Variants in DISC1 observed in about 807,000 individuals in gnomAD.
DISC1 encodes DISC1 scaffold protein, also known as disrupted in schizophrenia 1 protein.
A neutral mutation model predicts 84.5 loss-of-function variants in DISC1; 57 were observed. The observed-to-expected ratio is 0.67, with a 90% CI of 0.55 to 0.84. The LOEUF (loss-of-function observed/expected upper bound fraction) is 0.84. Among genes scored for constraint, DISC1 ranks in the 40% least tolerant of loss-of-function variants. The pLI is 0.00. For synonymous variants in DISC1, 411 were observed against 415.2 expected, an observed-to-expected ratio of 0.99 and a Z score of 0.12; for missense variants, 1,000 against 1,057.8, an observed-to-expected ratio of 0.95 and a Z score of 0.76.
chr1:231,985,649 C>T (rs1664320473), intron 10 of DISC1, among the ~76,000 whole-genome samples: 1 of 152,146 alleles, frequency 6.6e-6, no homozygotes, highest in Non-Finnish European at 1.5e-5. Context: ...GGGAGATGTT[C>T]AGTTTTGCAC....
chr1:231,699,749 T>G (rs989409029), intron 2 of DISC1, among the ~76,000 whole-genome samples: 2 of 152,160 alleles, frequency 1.3e-5, no homozygotes, highest in African/African-American at 4.8e-5. Flanking sequence ...CCCCAAACTC[T>G]CCAGTGGCGC....
chr1:231,996,069 A>G (rs1407430332), intron 10 of DISC1, among the ~76,000 whole-genome samples: 2 of 152,082 alleles, frequency 1.3e-5, no homozygotes, highest in South Asian at 2.1e-4. Context: ...CGTGGTTTTG[A>G]TTTGCATTTC....
chr1:231,823,379 A>T (rs2081636045), intron 9 of DISC1, among the ~76,000 whole-genome samples: 1 of 152,252 alleles, frequency 6.6e-6, no homozygotes, highest in South Asian at 2.1e-4. Context: ...ATTTAAAAAC[A>T]AAGACAGAAG....
At chr1:231,940,722 G>A (rs1159065865) in intron 9 of DISC1, among the ~76,000 whole-genome samples, 1 of 152,202 alleles carries the variant, frequency 6.6e-6, no homozygotes, top group East Asian at 1.9e-4. Flanking sequence ...GAGATGCTGC[G>A]TGTTATTGCA....
intron 9 of DISC1, among the ~76,000 whole-genome samples, chr1:231,827,658 A>T (rs1346499371): frequency 6.6e-6 from 1 of 152,194 alleles, no homozygotes; most frequent in Non-Finnish European, 1.5e-5. Flanking sequence ...CATGCTGATG[A>T]ATGTTTTCCT....
intron 9 of DISC1, among the ~76,000 whole-genome samples, chr1:231,854,207 G>T (rs935370228): frequency 1.7e-4 from 26 of 152,240 alleles, no homozygotes; most frequent in African/African-American, 6.0e-4. Context: ...AAGCGATTGT[G>T]GGTAAGTCAT....
chr1:231,877,869 T>C (rs952691226), intron 9 of DISC1, among the ~76,000 whole-genome samples: 1 of 152,158 alleles, frequency 6.6e-6, no homozygotes, highest in African/African-American at 2.4e-5. Flanking sequence ...AAATAAAAAA[T>C]GACTTAATAG....
At chr1:231,974,729 T>A (rs1161720058) in intron 10 of DISC1, among the ~76,000 whole-genome samples, 1 of 152,246 alleles carries the variant, frequency 6.6e-6, no homozygotes, top group Non-Finnish European at 1.5e-5. Context: ...TAGCTTAGTA[T>A]TATAATAAAA....
intron 9 of DISC1, among the ~76,000 whole-genome samples, chr1:231,949,774 G>C (rs1657987563): frequency 6.6e-6 from 1 of 152,128 alleles, no homozygotes; most frequent in African/African-American, 2.4e-5. Context: ...AGTTGCATAT[G>C]AAAAGCCTCT....
intron 9 of DISC1, among the ~76,000 whole-genome samples, chr1:231,832,629 T>C (rs1449919586): frequency 1.3e-5 from 2 of 150,322 alleles, no homozygotes; most frequent in East Asian, 2.0e-4. Context: ...AGGGTCAGTC[T>C]AAGTGAAAGC....
intron 10 of DISC1, among the ~76,000 whole-genome samples, chr1:231,969,958 CAT>C (rs1365716658): frequency 6.6e-6 from 1 of 152,126 alleles, no homozygotes; most frequent in Non-Finnish European, 1.5e-5. Flanking sequence ...CATAGTATTC[CAT>C]AGTGTATATG....
At chr1:231,873,448 C>A (rs527970723) in intron 9 of DISC1, among the ~76,000 whole-genome samples, 28 of 152,304 alleles carry the variant, frequency 1.8e-4, no homozygotes, top group African/African-American at 5.3e-4. Context: ...TCCTGTGTCC[C>A]TCCCCTGCAT....
rs1383984665 is a variant in DISC1 at position 232,036,731 on chromosome 1, T to C, written c.2465T>C (p.Leu822Pro). The C allele has an allele frequency of 1.2e-6, 2 of 1,607,198 alleles. No homozygotes were observed. Among genetic ancestry groups the C allele is most frequent in the South Asian group, 2.2e-5 (2 of 90,302 alleles). Residue 822 changes from leucine to proline, a missense_variant, in exon 13 of 13, where the codon CTG becomes CCG. Transcript: ENST00000439617. ...GAGCTCCAGATGGTGAAGGAAACTC[T>C]GCAGGCCATGATCCTGCAGCTCCAG... ...RRELQMVKET[L>P]QAMILQLQPA...
At chr1:231,741,985 T>A (rs1404594348) in intron 3 of DISC1, among the ~76,000 whole-genome samples, 3 of 152,182 alleles carry the variant, frequency 2.0e-5, no homozygotes, top group African/African-American at 7.2e-5. Flanking sequence ...AGCCAGGTGA[T>A]CCTGTTAAAC....
Position 232,009,364 on chromosome 1 carries a change from A to G in DISC1, c.2307+315A>G. 2.2e-6 allele frequency: 2 copies of G among 913,462 alleles called. No homozygotes were observed. Among genetic ancestry groups the G allele is most frequent in the Non-Finnish European group, 2.7e-6 (2 of 741,748 alleles). 56.6% of individuals were successfully genotyped at this position (913,462 alleles called of 1,614,324 possible). A position where few individuals can be genotyped will look rare whatever the true frequency, so the allele number is the denominator to read the frequency against. ...AGCATACATTATATATGTCATATAT[A>G]ATATAGTTATTATATTCACTATAGA... is the stretch of plus-strand genomic sequence containing the variant. On this transcript the variant is annotated intron_variant, in intron 11 of 12. Coordinates refer to ENST00000439617, the MANE Select transcript of DISC1 (RefSeq NM_018662.3). The surrounding 1 kb of genome is among the most constrained non-coding windows in gnomAD (Gnocchi z 4.6).
rs957731023 is a variant in DISC1, at chr1:231,698,875, AG to A, written c.1048-3076del. 3.3e-5 allele frequency among the ~76,000 whole-genome samples: 5 copies of A among 152,316 alleles called. No individual in the cohort carries two copies. The highest frequency in any genetic ancestry group is 2.1e-4 in the South Asian group (1 of 4,824). Reference sequence around the variant, plus strand: ...GTAATATAGAACAATTCAAAGACAAAGGGGTTAATATGATTATTCATTCATT... The same window carrying A: ...GTAATATAGAACAATTCAAAGACAAAGGGTTAATATGATTATTCATTCATT... On this transcript the variant is annotated intron_variant, in intron 2 of 12. Coordinates refer to ENST00000439617, the MANE Select transcript of DISC1 (RefSeq NM_018662.3). The surrounding 1 kb of genome is among the most constrained non-coding windows in gnomAD (Gnocchi z 4.9).
chr1:231,845,751 T>C (rs1207454072), intron 9 of DISC1, among the ~76,000 whole-genome samples: 5 of 151,046 alleles, frequency 3.3e-5, no homozygotes, highest in African/African-American at 9.8e-5. Flanking sequence ...AAGTGATAGG[T>C]TGAGGGGTGG....
At chr1:231,820,009 T>C (rs2081372901) in intron 9 of DISC1, among the ~76,000 whole-genome samples, 1 of 152,226 alleles carries the variant, frequency 6.6e-6, no homozygotes, top group South Asian at 2.1e-4. Flanking sequence ...TTCACAATGA[T>C]GAATAAAACA....
intron 9 of DISC1, among the ~76,000 whole-genome samples, chr1:231,843,382 G>A (rs2083221446): frequency 6.6e-6 from 1 of 152,158 alleles, no homozygotes; most frequent in Non-Finnish European, 1.5e-5. Flanking sequence ...AAGGAGCTTG[G>A]AAATGGTCCT....
Sources: allele counts gnomAD v4.1 joint callset (sites outside exome capture counted in the v4.1 genomes callset), GRCh38; gene constraint gnomAD v4.1.1; non-coding constraint Gnocchi (gnomAD v3.1); transcripts MANE v1.5; gene names NCBI Gene and HGNC (gene_info 2026-07-23, HGNC 2026-07-21).